ATP2B2: variants seen among roughly 807,000 people sequenced by gnomAD.
ATP2B2 encodes the protein plasma membrane calcium-transporting ATPase 2.
ATP2B2 carries 15 observed loss-of-function variants against 120.0 expected under a neutral mutation model. The ratio of observed to expected loss-of-function variants is 0.12; its 90% CI spans 0.08 to 0.19. ATP2B2 has a LOEUF of 0.19. Ranked by LOEUF, ATP2B2 falls within the 10% of genes least tolerant of loss-of-function variation. The pLI is 1.00. For synonymous variants in ATP2B2, 694 were observed against 700.3 expected, an observed-to-expected ratio of 0.99 and a Z score of 0.14; for missense variants, 1,045 against 1,719.8, an observed-to-expected ratio of 0.61 and a Z score of 6.94.
At chr3:10,633,966 G>GA (rs1247362319) in intron 1 of ATP2B2, among the ~76,000 whole-genome samples, 1 of 152,204 alleles carries the variant, frequency 6.6e-6, no homozygotes, top group East Asian at 1.9e-4. Context: ...TCCGCTCAAA[G>GA]GATCCCAGGT....
chr3:10,471,262 C>T (rs2064981281), intron 1 of ATP2B2, among the ~76,000 whole-genome samples: 1 of 152,202 alleles, frequency 6.6e-6, no homozygotes, highest in Non-Finnish European at 1.5e-5. Context: ...CTGCCATTAG[C>T]CTCAGCACAC....
intron 1 of ATP2B2, among the ~76,000 whole-genome samples, chr3:10,705,545 C>G (rs1229627709): frequency 6.6e-6 from 1 of 152,200 alleles, no homozygotes; most frequent in African/African-American, 2.4e-5. Flanking sequence ...CCTACAAGTC[C>G]TCTTGGAGAC....
chr3:10,416,387 T>A (rs567328099), intron 2 of ATP2B2, among the ~76,000 whole-genome samples: 1 of 152,186 alleles, frequency 6.6e-6, no homozygotes, highest in South Asian at 2.1e-4. Flanking sequence ...TTCCTCTCTC[T>A]TTTTAGCCAA....
At chr3:10,607,669 C>T (rs1265863854) in intron 2 of ATP2B2, among the ~76,000 whole-genome samples, 4 of 152,204 alleles carry the variant, frequency 2.6e-5, no homozygotes, top group African/African-American at 9.7e-5. Flanking sequence ...TCCACACTTG[C>T]ACTTAGATGG....
intron 2 of ATP2B2, among the ~76,000 whole-genome samples, chr3:10,540,111 T>G (rs528636458): frequency 1.3e-4 from 20 of 152,026 alleles, no homozygotes; most frequent in Non-Finnish European, 2.6e-4. Flanking sequence ...AACAGACACA[T>G]GAAAAAATGC....
intron 1 of ATP2B2, among the ~76,000 whole-genome samples, chr3:10,687,670 G>A (rs1369480638): frequency 2.6e-5 from 4 of 152,178 alleles, no homozygotes; most frequent in African/African-American, 9.7e-5. Flanking sequence ...GGACCAGCCT[G>A]GCCAAGATGG....
At chr3:10,356,907 G>C (rs1468160371) in intron 14 of ATP2B2, among the ~76,000 whole-genome samples, 3 of 151,960 alleles carry the variant, frequency 2.0e-5, no homozygotes, top group African/African-American at 7.3e-5. Flanking sequence ...TGCTGTTTTA[G>C]GATCTTGATA....
chr3:10,338,756 G>T, intron 21 of ATP2B2: 1 of 311,808 alleles, frequency 3.2e-6, no homozygotes. Flanking sequence ...TGTAAAGTGG[G>T]GGCCGCTCTG....
chr3:10,591,048 C>T (rs2068632359), intron 2 of ATP2B2, among the ~76,000 whole-genome samples: 1 of 151,860 alleles, frequency 6.6e-6, no homozygotes, highest in Non-Finnish European at 1.5e-5. Context: ...TCTCAGCAAT[C>T]CCCTGCTTGC....
chr3:10,366,366 G>A (rs1218710342), intron 12 of ATP2B2, among the ~76,000 whole-genome samples: 1 of 152,176 alleles, frequency 6.6e-6, no homozygotes, highest in Non-Finnish European at 1.5e-5. Context: ...CATGTAGAAT[G>A]GGGTGTACTG....
intron 2 of ATP2B2, among the ~76,000 whole-genome samples, chr3:10,615,074 AG>A (rs1188557136): frequency 1.3e-5 from 2 of 152,196 alleles, no homozygotes; most frequent in African/African-American, 2.4e-5. Flanking sequence ...TTGGACACAG[AG>A]AACAGGGGGC....
At chr3:10,683,773 T>TATATATATATAG (rs1361424112) in intron 1 of ATP2B2, among the ~76,000 whole-genome samples, 1 of 83,646 alleles carries the variant, frequency 1.2e-5, no homozygotes, top group Non-Finnish European at 2.2e-5. Context: ...TATATATATA[T>TATATATATATAG]ATATATATAT....
At chr3:10,465,805 G>A (rs141293076) in intron 1 of ATP2B2, among the ~76,000 whole-genome samples, 3 of 152,224 alleles carry the variant, frequency 2.0e-5, no homozygotes, top group African/African-American at 7.2e-5. Flanking sequence ...CGAAATGGGT[G>A]CTAGGTTGGG....
At chr3:10,419,997 C>T (rs1324871848) in intron 2 of ATP2B2, among the ~76,000 whole-genome samples, 5 of 152,338 alleles carry the variant, frequency 3.3e-5, no homozygotes, top group African/African-American at 7.2e-5. Flanking sequence ...GGCCCTGCTT[C>T]GTATATTTAA....
At chr3:10,477,193 C>T (rs1453756834) in intron 1 of ATP2B2, among the ~76,000 whole-genome samples, 2 of 152,144 alleles carry the variant, frequency 1.3e-5, no homozygotes, top group African/African-American at 4.8e-5. Flanking sequence ...GATCTCAAGC[C>T]CAGTGTTTCA....
At chr3:10,481,194 G>T (rs1395659722) in intron 1 of ATP2B2, among the ~76,000 whole-genome samples, 1 of 152,200 alleles carries the variant, frequency 6.6e-6, no homozygotes, top group Admixed American at 6.5e-5. Flanking sequence ...ATTTTTTTCT[G>T]TTAGGTGAGC....
intron 1 of ATP2B2, among the ~76,000 whole-genome samples, chr3:10,704,649 A>G (rs950750043): frequency 3.3e-5 from 5 of 152,300 alleles, no homozygotes; most frequent in East Asian, 1.9e-4. Flanking sequence ...CAAGGCCCCA[A>G]TAGTTAGCTC....
intron 2 of ATP2B2, among the ~76,000 whole-genome samples, chr3:10,434,471 A>G (rs1313766814): frequency 1.3e-5 from 2 of 152,232 alleles, no homozygotes; most frequent in Non-Finnish European, 2.9e-5. Context: ...CTTGTATTTA[A>G]GTTTACTCTG....
chr3:10,545,311 C>T lies in ATP2B2; in HGVS notation c.-414-11178G>A, dbSNP rs530553706. 2.0e-5 allele frequency among the ~76,000 whole-genome samples: 3 copies of T among 152,284 alleles called. No homozygotes were observed. In the East Asian group the frequency reaches 5.8e-4, roughly 29 times the overall value. Reference sequence around the variant, plus strand: ...TTGGGAGGCCAAGGCAGGTGGATCACCTGAGGTCAGGAGTTCGAGACCAGC... The same window carrying T: ...TTGGGAGGCCAAGGCAGGTGGATCATCTGAGGTCAGGAGTTCGAGACCAGC... On this transcript the variant is annotated intron_variant, in intron 2 of 21. Transcript: ENST00000646379.
Sources: allele counts gnomAD v4.1 joint callset (sites outside exome capture counted in the v4.1 genomes callset), GRCh38; gene constraint gnomAD v4.1.1; transcripts MANE v1.5; gene names NCBI Gene and HGNC (gene_info 2026-07-23, HGNC 2026-07-21).